The following SCN1A variants were observed in gnomAD, a reference collection of about 807,000 sequenced individuals.
The protein encoded by SCN1A is sodium channel protein type 1 subunit alpha.
Under a neutral mutation model 193.7 loss-of-function variants are expected in SCN1A, and 13 were observed. The observed-to-expected ratio is 0.07, with a 90% CI of 0.04 to 0.11. The LOEUF (loss-of-function observed/expected upper bound fraction) is 0.11. Ranked by LOEUF, SCN1A falls within the 10% of genes least tolerant of loss-of-function variation. The pLI, the probability that SCN1A is intolerant of heterozygous loss-of-function variation, is 1.00. For missense variants in SCN1A, 1,432 were observed against 2,451.1 expected, an observed-to-expected ratio of 0.58 and a Z score of 8.78; for synonymous variants, 781 against 843.6, an observed-to-expected ratio of 0.93 and a Z score of 1.29.
upstream of SCN1A, among the ~76,000 whole-genome samples, chr2:166,131,372 T>TTGTAAGACTCCGCCTC (rs1558909486): frequency 6.6e-6 from 1 of 152,098 alleles, no homozygotes; most frequent in African/African-American, 2.4e-5. Flanking sequence ...CATTTAGTCT[T>TTGTAAGACTCCGCCTC]TGTAAGACTC....
intron 2 of SCN1A, among the ~76,000 whole-genome samples, chr2:166,094,791 G>A (rs1687197813): frequency 1.1e-5 from 1 of 93,356 alleles, no homozygotes; most frequent in African/African-American, 4.0e-5. Context: ...TTATACTCTT[G>A]AGGGTACAGG....
At chr2:166,074,736 A>T (rs1322305052) in intron 3 of SCN1A, among the ~76,000 whole-genome samples, 4 of 152,162 alleles carry the variant, frequency 2.6e-5, no homozygotes, top group African/African-American at 9.7e-5. Context: ...GACTGCATTA[A>T]CTCATTAAGG....
intron 19 of SCN1A, among the ~76,000 whole-genome samples, chr2:166,023,706 A>C (rs1287972123): frequency 6.6e-6 from 1 of 152,010 alleles, no homozygotes; most frequent in African/African-American, 2.4e-5. Flanking sequence ...ACTGTGGCTA[A>C]AAAAGTCCTG....
At chr2:166,131,246 A>G (rs375775374), upstream of SCN1A, among the ~76,000 whole-genome samples, 4 of 152,276 alleles carry the variant, frequency 2.6e-5, no homozygotes, top group East Asian at 7.7e-4. Context: ...CCTACTTCCT[A>G]GGTGACAATA....
chr2:166,128,693 T>C (rs1691496703), upstream of SCN1A, among the ~76,000 whole-genome samples: 1 of 152,202 alleles, frequency 6.6e-6, no homozygotes, highest in Non-Finnish European at 1.5e-5. Flanking sequence ...TTTACTATAT[T>C]TTACTCCAAT....
chr2:165,985,696 A>G, downstream of SCN1A: 1 of 152,148 alleles, frequency 6.6e-6, no homozygotes, highest in East Asian at 1.9e-4. Flanking sequence ...TTGATTGTCT[A>G]GAGTATTTTC....
At chr2:165,996,244 G>A (rs1690037676) in intron 26 of SCN1A, 127 bp from the exon 27 acceptor site, 2 of 604,090 alleles carry the variant, frequency 3.3e-6, no homozygotes, top group African/African-American at 3.8e-5. Context: ...AATTATATCT[G>A]GGATTTAAAA....
chr2:166,064,080 T>A (rs1683589711), intron 4 of SCN1A, among the ~76,000 whole-genome samples: 1 of 152,132 alleles, frequency 6.6e-6, no homozygotes, highest in South Asian at 2.1e-4. Context: ...ATTAACAGTT[T>A]AATAATCTGG....
intron 2 of SCN1A, among the ~76,000 whole-genome samples, chr2:166,098,891 C>G (rs563007843): frequency 2.0e-5 from 3 of 152,166 alleles, no homozygotes; most frequent in Non-Finnish European, 4.4e-5. Flanking sequence ...ACATTCCATG[C>G]TCATGGGTAG....
intron 2 of SCN1A, among the ~76,000 whole-genome samples, chr2:166,118,302 C>CTTT (rs61002916): frequency 0.1 from 8,208 of 80,954 alleles, 3,403 homozygotes; most frequent in South Asian, 0.14. Context: ...TATTTAGTTT[C>CTTT]TTTTTTTTTT....
chr2:166,073,636 C>T lies in SCN1A; in HGVS notation c.-15G>A. On this transcript the variant is annotated 5_prime_UTR_variant, in exon 4 of 29. The change creates a new upstream start codon in the 5' untranslated region. Coordinates refer to ENST00000674923, the MANE Select transcript of SCN1A (RefSeq NM_001165963.4). ...GTTTGCTCCATCTTGTCATCCTGCACATTTTAATTACCATTTATTCTGCAT... is the reference window on the plus strand; with the variant it reads ...GTTTGCTCCATCTTGTCATCCTGCATATTTTAATTACCATTTATTCTGCAT... The T allele has an allele frequency of 1.2e-6, 2 of 1,613,852 alleles. No individual in the cohort carries two copies. Among genetic ancestry groups the T allele is most frequent in the Middle Eastern group, 1.7e-4 (1 of 6,060 alleles).
chr2:166,014,945 G>C (rs988836387), intron 20 of SCN1A, among the ~76,000 whole-genome samples: 4 of 151,722 alleles, frequency 2.6e-5, no homozygotes, highest in African/African-American at 7.2e-5. Flanking sequence ...GACATTAAGT[G>C]ATATGCATGA....
Position 166,127,874 on chromosome 2 carries a change from C to T in SCN1A, c.-332G>A, listed in dbSNP as rs1691430955. The stretch of plus-strand genomic sequence containing the variant: ...TTGCAATTGTTCAGATTCCTTCTTG[C>T]AAAAGGTGTCAAAGTATTTACAAGG... On this transcript the variant is annotated 5_prime_UTR_variant, in exon 1 of 29. Transcript: ENST00000674923. 1 of 152,008 alleles carries T rather than the reference C, an allele frequency of 6.6e-6. No individual in the cohort carries two copies. The highest frequency in any genetic ancestry group is 6.6e-5 in the Admixed American group (1 of 15,222). 9.4% of individuals were successfully genotyped at this position (152,008 alleles called of 1,614,324 possible).
At position 166,104,211 on chromosome 2, in the gene SCN1A, G is replaced by A. The variant is rs564651940; in HGVS notation, c.-142+22713C>T. The A allele has an allele frequency of 8.5e-5, 13 of 152,268 alleles. No homozygotes were observed. In the East Asian group the frequency reaches 2.5e-3, roughly 29 times the overall value. 9.4% of individuals were successfully genotyped at this position (152,268 alleles called of 1,614,324 possible). On this transcript the variant is annotated intron_variant, in intron 2 of 28. Transcript: ENST00000674923. Reference sequence around the variant, plus strand: ...GAACTAGAGTTTAGTCAAAATGAATGCTTTCATTGTTAGAATTCAACTTTA... The same window carrying A: ...GAACTAGAGTTTAGTCAAAATGAATACTTTCATTGTTAGAATTCAACTTTA...
intron 3 of SCN1A, among the ~76,000 whole-genome samples, chr2:166,074,178 T>C (rs1305159158): frequency 6.6e-6 from 1 of 152,222 alleles, no homozygotes; most frequent in Non-Finnish European, 1.5e-5. Flanking sequence ...GTTATTGCTG[T>C]CTTGACTGGG....
intron 19 of SCN1A, among the ~76,000 whole-genome samples, chr2:166,031,145 A>G (rs1380616032): frequency 1.3e-5 from 2 of 152,166 alleles, no homozygotes; most frequent in Non-Finnish European, 2.9e-5. Flanking sequence ...AATGTGACTC[A>G]TGCTATTCCC....
chr2:166,065,491 T>C (rs11686142), intron 4 of SCN1A, among the ~76,000 whole-genome samples: 1 of 152,064 alleles, frequency 6.6e-6, no homozygotes, highest in Non-Finnish European at 1.5e-5. Context: ...TCATTTGTCA[T>C]AGCCTGTGAG....
rs762355272 is a variant in SCN1A at position 166,127,994 on chromosome 2, G to A, written c.-452C>T. On this transcript the variant is annotated 5_prime_UTR_variant, in exon 1 of 29. Coordinates refer to ENST00000674923, the MANE Select transcript of SCN1A (RefSeq NM_001165963.4). ...CCAGAGACCTCTGCAGTATCCTCTC[G>A]GCTTCATCCTCGCCTCACTCTATGG... 4 of 145,352 alleles carry A rather than the reference G, an allele frequency of 2.8e-5. No individual in the cohort carries two copies. The highest frequency in any genetic ancestry group is 7.0e-5 in the Admixed American group (1 of 14,216). 9.0% of individuals were successfully genotyped at this position (145,352 alleles called of 1,614,324 possible).
At chr2:166,068,796 C>G (rs1684113666) in intron 4 of SCN1A, among the ~76,000 whole-genome samples, 1 of 152,136 alleles carries the variant, frequency 6.6e-6, no homozygotes, top group Non-Finnish European at 1.5e-5. Flanking sequence ...TTAAATGATC[C>G]ATAGGACTTT....
Sources: allele counts gnomAD v4.1 joint callset (sites outside exome capture counted in the v4.1 genomes callset), GRCh38; gene constraint gnomAD v4.1.1; transcripts MANE v1.5; gene names NCBI Gene and HGNC (gene_info 2026-07-23, HGNC 2026-07-21).